EFCAB6: variants seen among roughly 807,000 people sequenced by gnomAD.
The protein encoded by EFCAB6 is EF-hand calcium binding domain 6, also known as EF-hand calcium-binding domain-containing protein 6.
A neutral mutation model predicts 169.8 loss-of-function variants in EFCAB6; 156 were observed. That is an observed-to-expected ratio of 0.92 (90% CI 0.81 to 1.05). The LOEUF is 1.05. Ranked by LOEUF, EFCAB6 falls within the 50% of genes least tolerant of loss-of-function variation. The probability of loss-of-function intolerance (pLI) is 0.00; values close to 1 mark genes in which losing one functional copy is unlikely to be tolerated. For missense variants in EFCAB6, 1,800 were observed against 1,829.1 expected (o/e 0.98, Z 0.29); for synonymous variants, 698 against 676.4 (o/e 1.03, Z -0.50).
At chr22:43,658,773 A>G (rs2056870163) in intron 17 of EFCAB6, among the ~76,000 whole-genome samples, 1 of 151,888 alleles carries the variant, frequency 6.6e-6, no homozygotes, top group South Asian at 2.1e-4. Context: ...TAGGGCTTGG[A>G]CTGACAAAAC....
intron 17 of EFCAB6, among the ~76,000 whole-genome samples, chr22:43,639,508 G>T (rs1044096090): frequency 6.6e-6 from 1 of 152,142 alleles, no homozygotes; most frequent in African/African-American, 2.4e-5. Flanking sequence ...TGTTTCTGGT[G>T]TGAGGCCAAT....
At chr22:43,784,597 A>G (rs1412849111) in intron 2 of EFCAB6, among the ~76,000 whole-genome samples, 12 of 69,374 alleles carry the variant, frequency 1.7e-4, no homozygotes, top group Non-Finnish European at 2.5e-4. Flanking sequence ...ATATGTATAT[A>G]TACACATATA....
intron 2 of EFCAB6, among the ~76,000 whole-genome samples, chr22:43,800,814 A>T (rs990791661): frequency 6.6e-6 from 1 of 152,214 alleles, no homozygotes; most frequent in Non-Finnish European, 1.5e-5. Flanking sequence ...ATGAAAAGCA[A>T]TGAAGATCAC....
intron 2 of EFCAB6, among the ~76,000 whole-genome samples, chr22:43,784,216 C>T (rs1315804156): frequency 6.6e-6 from 1 of 151,948 alleles, no homozygotes; most frequent in African/African-American, 2.4e-5. Flanking sequence ...GAAATAAAAA[C>T]CCCACCAACC....
At chr22:43,806,711 T>C (rs2062936542) in intron 2 of EFCAB6, among the ~76,000 whole-genome samples, 1 of 152,212 alleles carries the variant, frequency 6.6e-6, no homozygotes, top group Non-Finnish European at 1.5e-5. Flanking sequence ...TTCATGCCTG[T>C]GCTAGAATTT....
intron 3 of EFCAB6, among the ~76,000 whole-genome samples, chr22:43,775,088 G>T (rs950618866): frequency 6.6e-6 from 1 of 151,946 alleles, no homozygotes; most frequent in Non-Finnish European, 1.5e-5. Context: ...GACTTCACAT[G>T]AATAAAAGAA....
chr22:43,692,293 C>A lies in EFCAB6; in HGVS notation c.1032-4712G>T, dbSNP rs2058438750. Among the ~76,000 whole-genome samples, 4 of 152,064 alleles carry A rather than the reference C, an allele frequency of 2.6e-5. No homozygotes were observed. In the South Asian group the frequency reaches 8.3e-4, roughly 32 times the overall value. On this transcript the variant is annotated intron_variant, in intron 10 of 31. Coordinates refer to ENST00000262726, the MANE Select transcript of EFCAB6 (RefSeq NM_022785.4). ...AAGAACATTCATTAGAAAAAAATAA[C>A]TGAATTTAGAGTCTCCACAATTTAA... is the stretch of plus-strand genomic sequence containing the variant.
intron 17 of EFCAB6, among the ~76,000 whole-genome samples, chr22:43,650,797 G>A (rs1185692669): frequency 2.0e-5 from 3 of 152,188 alleles, no homozygotes; most frequent in African/African-American, 7.2e-5. Flanking sequence ...GGGAACTGGA[G>A]CAAAGGTGAC....
intron 26 of EFCAB6, 50 bp downstream of exon 26, chr22:43,576,247 A>C: frequency 6.6e-7 from 1 of 1,507,136 alleles, no homozygotes; most frequent in Non-Finnish European, 8.9e-7. Context: ...TGTAAAAACT[A>C]ATTTTAGCTC....
At chr22:43,529,781 C>T (rs1602061253) in intron 31 of EFCAB6, among the ~76,000 whole-genome samples, 1 of 152,204 alleles carries the variant, frequency 6.6e-6, no homozygotes, top group Non-Finnish European at 1.5e-5. Flanking sequence ...AGCCACCACA[C>T]CAGCTCTGAC....
In EFCAB6 at chr22:43,576,465, C is replaced by T. The variant is rs764061371; in HGVS notation, c.3252G>A (p.Glu1084=). Residue 1084 remains glutamate, a synonymous_variant, in exon 26 of 32, where the codon GAG becomes GAA. Coordinates refer to ENST00000262726, the MANE Select transcript of EFCAB6 (RefSeq NM_022785.4). ...CTGTAGCCTTTACAAATCCTGTATCCTCTTTATCCAATGCAGAAAATGCCT... is the reference window on the plus strand; with the variant it reads ...CTGTAGCCTTTACAAATCCTGTATCTTCTTTATCCAATGCAGAAAATGCCT... ...LSTAFSALDK[E]DTGFVKATEF... 9.0e-6 allele frequency: 14 copies of T among 1,550,136 alleles called. No individual in the cohort carries two copies. Among genetic ancestry groups the T allele is most frequent in the Non-Finnish European group, 1.2e-5 (14 of 1,157,786 alleles).
At chr22:43,529,477 T>C (rs1303772963) in intron 31 of EFCAB6, among the ~76,000 whole-genome samples, 1 of 152,222 alleles carries the variant, frequency 6.6e-6, no homozygotes, top group African/African-American at 2.4e-5. Context: ...TTATAGAACC[T>C]GACTCTCTCC....
Position 43,731,972 on chromosome 22 carries a change from A to AT in EFCAB6, c.645-162dup, listed in dbSNP as rs549310408. Among the ~76,000 whole-genome samples, 646 of 149,188 alleles carry AT rather than the reference A, an allele frequency of 4.3e-3. 2 individuals are homozygous for AT. The highest frequency in any genetic ancestry group is 0.014 in the Middle Eastern group (4 of 288). On this transcript the variant is annotated intron_variant, in intron 7 of 31. Transcript: ENST00000262726. ...AAACCCCAGAAAATGTTACTGTCAGATTTTTTTTTTAATGCAGCTACTTCG... is the reference window on the plus strand; with the variant it reads ...AAACCCCAGAAAATGTTACTGTCAGATTTTTTTTTTTAATGCAGCTACTTCG...
intron 6 of EFCAB6, among the ~76,000 whole-genome samples, chr22:43,741,762 A>G (rs950355607): frequency 2.6e-5 from 4 of 152,048 alleles, no homozygotes; most frequent in African/African-American, 9.7e-5. Flanking sequence ...AGGATTCGGT[A>G]TCTTCTCTTC....
intron 24 of EFCAB6, among the ~76,000 whole-genome samples, chr22:43,585,231 A>C (rs1009812699): frequency 1.3e-5 from 2 of 152,186 alleles, no homozygotes; most frequent in African/African-American, 4.8e-5. Context: ...AACATGCAAG[A>C]ACAAGTGGGC....
At chr22:43,603,437 G>A (rs764636899) in intron 22 of EFCAB6, among the ~76,000 whole-genome samples, 7 of 152,204 alleles carry the variant, frequency 4.6e-5, no homozygotes, top group African/African-American at 7.2e-5. Flanking sequence ...CAGAGGACCC[G>A]TAAAAACTCA....
chr22:43,743,669 C>A (rs1430826752), intron 6 of EFCAB6, among the ~76,000 whole-genome samples: 3 of 152,092 alleles, frequency 2.0e-5, no homozygotes, highest in African/African-American at 7.2e-5. Context: ...TCCAAATAAC[C>A]ACACACCCAT....
intron 6 of EFCAB6, among the ~76,000 whole-genome samples, chr22:43,738,524 C>T (rs1005769064): frequency 1.3e-5 from 2 of 151,612 alleles, no homozygotes; most frequent in South Asian, 2.1e-4. Context: ...ATATCTCACA[C>T]ATATATTCAC....
chr22:43,629,991 C>A (rs899156925), intron 19 of EFCAB6, among the ~76,000 whole-genome samples: 1 of 152,114 alleles, frequency 6.6e-6, no homozygotes, highest in Non-Finnish European at 1.5e-5. Flanking sequence ...ACAGGTTAAT[C>A]CTATTTGTTT....
Sources: gnomAD v4.1 joint callset for allele counts (sites outside exome capture counted in the v4.1 genomes callset) on GRCh38, gnomAD v4.1.1 for gene constraint, MANE v1.5 for transcripts, NCBI Gene and HGNC (gene_info 2026-07-23, HGNC 2026-07-21) for gene names.